Variants in THSD7A observed in about 807,000 individuals in gnomAD.
THSD7A encodes the protein thrombospondin type-1 domain-containing protein 7A.
Under a neutral mutation model 231.3 loss-of-function variants are expected in THSD7A, and 96 were observed. That is an observed-to-expected ratio of 0.41 (90% confidence interval 0.35 to 0.49). THSD7A has a LOEUF of 0.49. THSD7A is among the 20% of genes least tolerant of loss of function. The pLI, the probability that THSD7A is intolerant of heterozygous loss-of-function variation, is 0.05. For synonymous variants in THSD7A, 940 were observed against 743.3 expected (o/e 1.26, Z -4.30); for missense variants, 2,290 against 2,070.2 (o/e 1.11, Z -2.06).
At chr7:11,445,876 G>C (rs1465461147) in intron 13 of THSD7A, among the ~76,000 whole-genome samples, 185 bp downstream of exon 13, 2 of 151,884 alleles carry the variant, frequency 1.3e-5, no homozygotes, top group African/African-American at 4.8e-5. Flanking sequence ...GCCAACTTCT[G>C]GACAATGAGG....
intron 11 of THSD7A, among the ~76,000 whole-genome samples, chr7:11,453,419 A>G (rs1160379517): frequency 1.3e-5 from 2 of 151,516 alleles, no homozygotes; most frequent in Non-Finnish European, 2.9e-5. Flanking sequence ...GACCTCTCCT[A>G]TGCAAGGTAT....
At chr7:11,780,559 A>G (rs1287430877) in intron 1 of THSD7A, among the ~76,000 whole-genome samples, 2 of 152,148 alleles carry the variant, frequency 1.3e-5, no homozygotes, top group Non-Finnish European at 1.5e-5. Context: ...AGTGAGCCAC[A>G]TGGAAATGAA....
chr7:11,819,198 G>A (rs780647738), intron 1 of THSD7A, among the ~76,000 whole-genome samples: 5 of 152,176 alleles, frequency 3.3e-5, no homozygotes, highest in African/African-American at 4.8e-5. Context: ...GGTGAGGAGT[G>A]GAGAAATAGG....
chr7:11,830,042 G>C (rs1785149132), intron 1 of THSD7A, among the ~76,000 whole-genome samples: 1 of 152,122 alleles, frequency 6.6e-6, no homozygotes, highest in South Asian at 2.1e-4. Context: ...AGAAAACTAA[G>C]GGTCAAAATT....
At chr7:11,639,271 C>A (rs113179443) in intron 1 of THSD7A, among the ~76,000 whole-genome samples, 50 of 152,230 alleles carry the variant, frequency 3.3e-4, no homozygotes, top group African/African-American at 8.9e-4. Context: ...GGCTACTAGT[C>A]TTTTATCCTC....
chr7:11,518,568 G>C (rs995887193), intron 6 of THSD7A, among the ~76,000 whole-genome samples: 3 of 151,046 alleles, frequency 2.0e-5, no homozygotes, highest in Admixed American at 2.0e-4. Flanking sequence ...AAGTACAACA[G>C]ATCATCCCTG....
At chr7:11,678,400 T>C (rs775164997) in intron 1 of THSD7A, among the ~76,000 whole-genome samples, 4 of 151,930 alleles carry the variant, frequency 2.6e-5, no homozygotes, top group African/African-American at 4.8e-5. Context: ...AATCAGTGAA[T>C]ACAGGAGCTG....
chr7:11,520,915 T>C (rs1788234612), intron 6 of THSD7A, among the ~76,000 whole-genome samples: 1 of 152,184 alleles, frequency 6.6e-6, no homozygotes. Context: ...ATTTTAGCCA[T>C]GGCAACAAGA....
chr7:11,829,712 G>T lies in THSD7A; in HGVS notation c.190+2045C>A, dbSNP rs189069542. On this transcript the variant is annotated intron_variant, in intron 1 of 27. Coordinates refer to ENST00000423059, the MANE Select transcript of THSD7A (RefSeq NM_015204.3). ...TGTAACTTCTAAATTTTCATTTATG[G>T]TATATCTTTTTTCTTTAAATATTCT... is the stretch of plus-strand genomic sequence containing the variant. 1.8e-4 allele frequency among the ~76,000 whole-genome samples: 28 copies of T among 151,548 alleles called. No homozygotes were observed. In the East Asian group the frequency reaches 2.9e-3, roughly 16 times the overall value.
chr7:11,553,308 A>C (rs1369989643), intron 4 of THSD7A, among the ~76,000 whole-genome samples: 1 of 152,068 alleles, frequency 6.6e-6, no homozygotes, highest in Non-Finnish European at 1.5e-5. Context: ...GGTGATTTTC[A>C]TTATAGGTTT....
intron 6 of THSD7A, among the ~76,000 whole-genome samples, chr7:11,521,880 T>C (rs551263104): frequency 5.3e-4 from 81 of 152,112 alleles, no homozygotes; most frequent in African/African-American, 1.9e-3. Context: ...AACAATTCAG[T>C]GTAAAAACAA....
At chr7:11,745,164 G>T (rs777341349) in intron 1 of THSD7A, among the ~76,000 whole-genome samples, 166 of 152,118 alleles carry the variant, frequency 1.1e-3, no homozygotes, top group Non-Finnish European at 1.7e-3. Flanking sequence ...ATCTCATTGT[G>T]GTTTTGATTT....
chr7:11,517,832 G>C (rs949945798), intron 6 of THSD7A, among the ~76,000 whole-genome samples: 2 of 152,124 alleles, frequency 1.3e-5, no homozygotes, highest in Non-Finnish European at 2.9e-5. Flanking sequence ...AGGTGCCTTT[G>C]AGAAAAATTT....
chr7:11,480,259 T>A (rs1786369324), intron 7 of THSD7A, among the ~76,000 whole-genome samples: 1 of 152,166 alleles, frequency 6.6e-6, no homozygotes, highest in Non-Finnish European at 1.5e-5. Flanking sequence ...TCATGACCTT[T>A]CCGTGTGAAG....
At chr7:11,447,824 G>A (rs1215238840) in intron 11 of THSD7A, among the ~76,000 whole-genome samples, 1 of 152,122 alleles carries the variant, frequency 6.6e-6, no homozygotes, top group Non-Finnish European at 1.5e-5. Flanking sequence ...GGGACTGGAA[G>A]ATACTAGGTA....
Position 11,375,672 on chromosome 7 carries a change from G to C in THSD7A, c.*122C>G. On this transcript the variant is annotated 3_prime_UTR_variant, in exon 28 of 28. Coordinates refer to ENST00000423059, the MANE Select transcript of THSD7A (RefSeq NM_015204.3). ...GTATGATTTTCACTCTTGTCTTTAT[G>C]ATGCCATTTTTAAAAATTAAAATAT... is the stretch of plus-strand genomic sequence containing the variant. 1.3e-6 allele frequency: 1 copy of C among 767,932 alleles called. No homozygotes were observed. Among genetic ancestry groups the C allele is most frequent in the Non-Finnish European group, 2.1e-6 (1 of 474,932 alleles). 47.6% of individuals were successfully genotyped at this position (767,932 alleles called of 1,614,324 possible).
At chr7:11,741,937 C>A (rs1010504468) in intron 1 of THSD7A, among the ~76,000 whole-genome samples, 1 of 151,892 alleles carries the variant, frequency 6.6e-6, no homozygotes, top group Admixed American at 6.6e-5. Context: ...TTAGGTAGTG[C>A]TGACATGGTC....
chr7:11,789,766 T>C (rs950671279), intron 1 of THSD7A, among the ~76,000 whole-genome samples: 1 of 151,972 alleles, frequency 6.6e-6, no homozygotes, highest in African/African-American at 2.4e-5. Flanking sequence ...ACCTTTTTTG[T>C]TTTAGAGGCT....
In THSD7A at chr7:11,636,939, T is replaced by G; in HGVS notation, c.213A>C (p.Gly71=). 6.2e-7 allele frequency: 1 copy of G among 1,609,078 alleles called. No homozygotes were observed. The highest frequency in any genetic ancestry group is 8.5e-7 in the Non-Finnish European group (1 of 1,177,866). ...WKTGPWGRCM[G]DECGPGGIQT... is the part of the protein sequence containing the mutation. ...GGATGCCTCCGGGACCACATTCATC[T>G]CCCATACATCGGCCCCATGGACCTA... The change falls in exon 2 of 28, where the codon GGA becomes GGC. Residue 71 remains glycine, a synonymous_variant. Transcript: ENST00000423059. This position sits in a 1 kb window ranked among gnomAD's most constrained non-coding sequence, Gnocchi z 10.0.
Sources: gnomAD v4.1 joint callset for allele counts (sites outside exome capture counted in the v4.1 genomes callset) on GRCh38, gnomAD v4.1.1 for gene constraint, Gnocchi (gnomAD v3.1) non-coding constraint, MANE v1.5 for transcripts, NCBI Gene and HGNC (gene_info 2026-07-23, HGNC 2026-07-21) for gene names.